The following RASGEF1A variants were observed in gnomAD, a reference collection of about 807,000 sequenced individuals.
RASGEF1A encodes the protein ras-GEF domain-containing family member 1A.
Under a neutral mutation model 56.4 loss-of-function variants are expected in RASGEF1A, and 18 were observed. The observed-to-expected ratio is 0.32, with a 90% CI of 0.22 to 0.47. The LOEUF (loss-of-function observed/expected upper bound fraction) is 0.47, where lower values mean the gene tolerates loss of function less well. Among genes scored for constraint, RASGEF1A ranks in the 20% least tolerant of loss-of-function variants. RASGEF1A has a pLI of 1.00. For missense variants in RASGEF1A, 422 were observed against 627.1 expected (o/e 0.67, Z 3.49); for synonymous variants, 245 against 242.6 (o/e 1.01, Z -0.09).
rs538874449 is a variant in RASGEF1A at position 43,237,861 on chromosome 10, C to A, written c.-7+28984G>T. Among the ~76,000 whole-genome samples, 45 of 152,332 alleles carry A rather than the reference C, an allele frequency of 3.0e-4. No homozygotes were observed. In the South Asian group the frequency reaches 8.3e-3, roughly 28 times the overall value. ...CTCTGCCTGAATGTCCCAGGACCGC[C>A]ATGTGATGTCTCCTCTCCCACAGGG... On this transcript the variant is annotated intron_variant, in intron 1 of 12. Coordinates refer to ENST00000395810, the MANE Select transcript of RASGEF1A (RefSeq NM_145313.4).
chr10:43,226,543 C>T (rs1184101818), intron 1 of RASGEF1A, among the ~76,000 whole-genome samples: 2 of 152,132 alleles, frequency 1.3e-5, no homozygotes, highest in South Asian at 2.1e-4. Context: ...TGACTGTCCC[C>T]GGGTTCCCTC....
rs1300788412 is a variant in RASGEF1A, at chr10:43,196,132, A to T, written c.*112T>A. The stretch of plus-strand genomic sequence containing the variant: ...TTACCATTTTTTTCTCATAAAAGTT[A>T]TATACAAAATGGACCCCAACCAGTG... On this transcript the variant is annotated 3_prime_UTR_variant, in exon 13 of 13. Coordinates refer to ENST00000395810, the MANE Select transcript of RASGEF1A (RefSeq NM_145313.4). This position sits in a 1 kb window ranked among gnomAD's most constrained non-coding sequence, Gnocchi z 4.6. The T allele has an allele frequency of 1.0e-6, 1 of 972,006 alleles. No individual in the cohort carries two copies. Among genetic ancestry groups the T allele is most frequent in the Admixed American group, 2.3e-5 (1 of 43,160 alleles). 60.2% of individuals were successfully genotyped at this position (972,006 alleles called of 1,614,324 possible). A position where few individuals can be genotyped will look rare whatever the true frequency, so the allele number is the denominator to read the frequency against.
chr10:43,264,369 G>A (rs1564546654), intron 1 of RASGEF1A, among the ~76,000 whole-genome samples: 1 of 151,296 alleles, frequency 6.6e-6, no homozygotes, highest in Non-Finnish European at 1.5e-5. Flanking sequence ...GACAGCCATA[G>A]GGGAGGGCCT....
At position 43,195,176 on chromosome 10, in the gene RASGEF1A, T is replaced by G. The variant is rs1234496574; in HGVS notation, c.*1068A>C. Reference sequence around the variant, plus strand: ...GACAGCTGTCCTGCGCCATGGTCAGTAGGGCCCAGGGCTCACACCACGAAG... The same window carrying G: ...GACAGCTGTCCTGCGCCATGGTCAGGAGGGCCCAGGGCTCACACCACGAAG... On this transcript the variant is annotated 3_prime_UTR_variant, in exon 13 of 13. Transcript: ENST00000395810. This position sits in a 1 kb window ranked among gnomAD's most constrained non-coding sequence, Gnocchi z 4.2. The G allele has an allele frequency of 6.6e-6, 1 of 152,052 alleles. No individual in the cohort carries two copies. The highest frequency in any genetic ancestry group is 1.5e-5 in the Non-Finnish European group (1 of 68,032). The allele number at this position is 152,052 out of a possible 1,614,324, so 9.4% of individuals were successfully genotyped here. A position where few individuals can be genotyped will look rare whatever the true frequency, so the allele number is the denominator to read the frequency against.
chr10:43,227,243 C>T (rs1237527236), intron 1 of RASGEF1A, among the ~76,000 whole-genome samples: 1 of 152,162 alleles, frequency 6.6e-6, no homozygotes, highest in Non-Finnish European at 1.5e-5. Flanking sequence ...TGCATCCCAC[C>T]AATGCCAGTG....
At chr10:43,236,707 T>C (rs1045734753) in intron 1 of RASGEF1A, among the ~76,000 whole-genome samples, 23 of 152,218 alleles carry the variant, frequency 1.5e-4, no homozygotes, top group African/African-American at 5.5e-4. Flanking sequence ...AACCAGGACA[T>C]GAGGCATCCC....
intron 1 of RASGEF1A, among the ~76,000 whole-genome samples, chr10:43,243,168 C>G (rs555339323): frequency 1.3e-5 from 2 of 149,110 alleles, no homozygotes; most frequent in South Asian, 2.1e-4. Flanking sequence ...AAGTGAGGAG[C>G]GCCTCTGCCT....
intron 1 of RASGEF1A, among the ~76,000 whole-genome samples, chr10:43,253,821 G>A (rs1048598849): frequency 5.9e-5 from 9 of 152,270 alleles, no homozygotes; most frequent in Non-Finnish European, 8.8e-5. Flanking sequence ...CCTACTGGCC[G>A]AGATAAGAAG....
At position 43,200,213 on chromosome 10, in the gene RASGEF1A, A is replaced by G. The variant is rs767872807; in HGVS notation, c.725T>C (p.Val242Ala). The G allele has an allele frequency of 6.2e-7, 1 of 1,606,690 alleles. No homozygotes were observed. Among genetic ancestry groups the G allele is most frequent in the Non-Finnish European group, 8.5e-7 (1 of 1,176,192 alleles). ...SIYPEDLMQI[V>A]SHMDSLDNHR... ...GTTGTCCAAGGAGTCCATGTGGCTG[A>G]CGATCTGCATCAAGTCCTCAGGGTA... Residue 242 changes from valine to alanine, a missense_variant, in exon 6 of 13, where the codon GTC becomes GCC. Val to Ala is a moderately conservative substitution (Grantham distance 64). This residue lies in a region of RASGEF1A where 273 missense variants were observed against 339.9 expected (regional missense o/e 0.80). Transcript: ENST00000395810.
chr10:43,260,760 T>A (rs1836513790), intron 1 of RASGEF1A, among the ~76,000 whole-genome samples: 1 of 152,178 alleles, frequency 6.6e-6, no homozygotes, highest in Admixed American at 6.5e-5. Flanking sequence ...GCAGGGCATG[T>A]AGCCCTCGAC....
intron 1 of RASGEF1A, among the ~76,000 whole-genome samples, chr10:43,211,987 A>G (rs1039771968): frequency 2.0e-5 from 3 of 152,130 alleles, no homozygotes; most frequent in Non-Finnish European, 4.4e-5. Flanking sequence ...TGCCACCCAC[A>G]TCTAGGCCTT....
At chr10:43,198,231 C>T (rs549821563) in intron 9 of RASGEF1A, 36 bp from the exon 10 acceptor site, 2 of 1,557,808 alleles carry the variant, frequency 1.3e-6, no homozygotes, top group East Asian at 2.3e-5. Context: ...AGCATCACAG[C>T]CCCATGCCCC....
intron 1 of RASGEF1A, among the ~76,000 whole-genome samples, chr10:43,252,066 G>T (rs1822150046): frequency 6.6e-6 from 1 of 152,226 alleles, no homozygotes; most frequent in Non-Finnish European, 1.5e-5. Context: ...TTGTCAGAGG[G>T]TGAGGACGCA....
At chr10:43,225,147 T>G (rs2133205139) in intron 1 of RASGEF1A, among the ~76,000 whole-genome samples, 1 of 151,394 alleles carries the variant, frequency 6.6e-6, no homozygotes, top group African/African-American at 2.4e-5. Context: ...TCTGTATGTG[T>G]CTGTGTGTGT....
At chr10:43,225,814 G>C (rs1840272463) in intron 1 of RASGEF1A, among the ~76,000 whole-genome samples, 1 of 152,208 alleles carries the variant, frequency 6.6e-6, no homozygotes, top group Non-Finnish European at 1.5e-5. Flanking sequence ...GCCCCAGGGA[G>C]GTCCCCAGAG....
At chr10:43,202,535 G>A (rs1839917284) in intron 3 of RASGEF1A, 1 of 452,386 alleles carries the variant, frequency 2.2e-6, no homozygotes, top group Non-Finnish European at 4.5e-6. Flanking sequence ...CAGGCGCCGC[G>A]CCCCCATCCT....
At position 43,196,029 on chromosome 10, in the gene RASGEF1A, C is replaced by T. The variant is rs529049640; in HGVS notation, c.*215G>A. 9.4e-6 allele frequency: 4 copies of T among 424,530 alleles called. No individual in the cohort carries two copies. Among genetic ancestry groups the T allele is most frequent in the Non-Finnish European group, 1.7e-5 (4 of 238,266 alleles). The allele number at this position is 424,530 out of a possible 1,614,324, so 26.3% of individuals were successfully genotyped here. A position where few individuals can be genotyped will look rare whatever the true frequency, so the allele number is the denominator to read the frequency against. Reference sequence around the variant, plus strand: ...CCATGATACTCTCCCCTCCCCCTCCCCAAAGCAGGGCCCTGCCCTGTTATT... The same window carrying T: ...CCATGATACTCTCCCCTCCCCCTCCTCAAAGCAGGGCCCTGCCCTGTTATT... On this transcript the variant is annotated 3_prime_UTR_variant, in exon 13 of 13. Transcript: ENST00000395810. The surrounding 1 kb of genome is among the most constrained non-coding windows in gnomAD (Gnocchi z 4.6).
chr10:43,205,862 TCTC>T, intron 2 of RASGEF1A, 54 bp downstream of exon 2: 2 of 1,432,818 alleles, frequency 1.4e-6, no homozygotes, highest in South Asian at 2.3e-5. Flanking sequence ...ACACCCGACA[TCTC>T]CTGGAGCCCA....
chr10:43,200,841 C>A lies in RASGEF1A; in HGVS notation c.507G>T (p.Leu169=). ...KKAIAQMTQS[L]LLSLAARSQL... ...GGCTCCGGGCAGCCAAGGACAGCAA[C>A]AGGCTCTGTGTCATCTGGGCAATGG... Residue 169 remains leucine, a synonymous_variant, in exon 5 of 13, where the codon CTG becomes CTT. Transcript: ENST00000395810. The A allele has an allele frequency of 6.2e-7, 1 of 1,614,086 alleles. No homozygotes were observed. Among genetic ancestry groups the A allele is most frequent in the South Asian group, 1.1e-5 (1 of 91,092 alleles).
Sources: allele counts gnomAD v4.1 joint callset (sites outside exome capture counted in the v4.1 genomes callset), GRCh38; gene constraint gnomAD v4.1.1; regional missense constraint gnomAD v4.1.1; non-coding constraint Gnocchi (gnomAD v3.1); transcripts MANE v1.5; gene names NCBI Gene and HGNC (gene_info 2026-07-23, HGNC 2026-07-21).